PLA2G6: variants seen among roughly 807,000 people sequenced by gnomAD.
PLA2G6 encodes phospholipase A2 group VI, also known as 85/88 kDa calcium-independent phospholipase A2.
In PLA2G6, 62 loss-of-function variants were observed where a neutral mutation model predicts 83.8. The observed-to-expected ratio is 0.74, with a 90% confidence interval of 0.60 to 0.91. The LOEUF (loss-of-function observed/expected upper bound fraction) is 0.91. Ranked by LOEUF, PLA2G6 falls within the 40% of genes least tolerant of loss-of-function variation. The probability of loss-of-function intolerance (pLI) is 0.00; values close to 1 mark genes in which losing one functional copy is unlikely to be tolerated. For synonymous variants in PLA2G6, 417 were observed against 449.8 expected, an observed-to-expected ratio of 0.93 and a Z score of 0.92; for missense variants, 944 against 1,102.0, an observed-to-expected ratio of 0.86 and a Z score of 2.03.
At chr22:38,140,575 C>A (rs557042795) in intron 4 of PLA2G6, 2 of 250,576 alleles carry the variant, frequency 8.0e-6, no homozygotes, top group South Asian at 4.4e-5. Context: ...GGGAAGGGGT[C>A]GACCTGGCAT....
intron 4 of PLA2G6, chr22:38,142,853 G>A: frequency 1.8e-6 from 1 of 545,694 alleles, no homozygotes; most frequent in South Asian, 1.9e-5. Flanking sequence ...GCCTTTTTTG[G>A]GGTTTATTTT....
At chr22:38,119,762 G>A (rs559125398) in intron 12 of PLA2G6, among the ~76,000 whole-genome samples, 4 of 151,984 alleles carry the variant, frequency 2.6e-5, no homozygotes, top group African/African-American at 7.3e-5. Flanking sequence ...GCAGTAAGCC[G>A]TGTTCACAGC....
rs371358303 is a variant in PLA2G6, at chr22:38,111,932, G to A, written c.*229C>T. On this transcript the variant is annotated 3_prime_UTR_variant, in exon 17 of 17. Transcript: ENST00000332509. The stretch of plus-strand genomic sequence containing the variant: ...CAGTCAGGGAAAGGGGCCAAAGGGG[G>A]CTCTAGACTTTCCCAGCCTGGAATG... 8.4e-6 allele frequency: 5 copies of A among 597,436 alleles called. No individual in the cohort carries two copies. Among genetic ancestry groups the A allele is most frequent in the Middle Eastern group, 4.4e-4 (1 of 2,252 alleles). The allele number at this position is 597,436 out of a possible 1,614,324, so 37.0% of individuals were successfully genotyped here. A position where few individuals can be genotyped will look rare whatever the true frequency, so the allele number is the denominator to read the frequency against.
Position 38,145,472 on chromosome 22 carries a change from T to C in PLA2G6, c.391A>G (p.Ile131Val), listed in dbSNP as rs776393639. The C allele has an allele frequency of 6.2e-7, 1 of 1,611,652 alleles. No homozygotes were observed. The highest frequency in any genetic ancestry group is 8.5e-7 in the Non-Finnish European group (1 of 1,179,388). The change falls in exon 3 of 17, where the codon ATC (isoleucine) becomes GTC (valine). Residue 131 changes from isoleucine to valine, a missense_variant. Transcript: ENST00000332509. Reference protein sequence around the residue: ...SVAHLAVELGIRECFHHSRII... With the variant: ...SVAHLAVELGVRECFHHSRII... ...CGGCTGTGATGGAAGCACTCGCGGATCCCTAGCTCCACAGCCAGGTGGGCC... is the reference window on the plus strand; with the variant it reads ...CGGCTGTGATGGAAGCACTCGCGGACCCCTAGCTCCACAGCCAGGTGGGCC...
rs551420882 is a variant in PLA2G6, at chr22:38,133,159, C to T, written c.895-146G>A. 3.8e-6 allele frequency: 3 copies of T among 781,130 alleles called. No homozygotes were observed. The African/African-American group carries it at 5.1e-5, about 13-fold the overall frequency. 48.4% of individuals were successfully genotyped at this position (781,130 alleles called of 1,614,324 possible). A position where few individuals can be genotyped will look rare whatever the true frequency, so the allele number is the denominator to read the frequency against. On this transcript the variant is annotated intron_variant, in intron 6 of 16. Transcript: ENST00000332509. ...CTAGCAAGAGGATTCCAGGGGCAGG[C>T]CCCAGTTCTAGGGGGGCCTAGACTG...
intron 3 of PLA2G6, 84 bp downstream of exon 3, chr22:38,145,354 G>A: frequency 8.7e-7 from 1 of 1,149,864 alleles, no homozygotes. Flanking sequence ...TCAAACTATG[G>A]AGGGGAACCG....
intron 7 of PLA2G6, chr22:38,131,677 T>C (rs2088220773): frequency 6.5e-6 from 1 of 153,342 alleles, no homozygotes; most frequent in Admixed American, 6.4e-5. Flanking sequence ...TGACCTTTGG[T>C]ATAAAACAGG....
intron 2 of PLA2G6, among the ~76,000 whole-genome samples, chr22:38,164,979 C>G (rs567019448): frequency 6.6e-6 from 1 of 152,072 alleles, no homozygotes; most frequent in South Asian, 2.1e-4. Context: ...TCCACAGCCT[C>G]GACCCCACCC....
rs1408442842 is a variant in PLA2G6 at position 38,113,480 on chromosome 22, C to T, written c.2202+7G>A. 6.2e-7 allele frequency: 1 copy of T among 1,613,884 alleles called. No homozygotes were observed. The highest frequency in any genetic ancestry group is 8.5e-7 in the Non-Finnish European group (1 of 1,179,876). On this transcript the variant is annotated splice_region_variant and intron_variant, in intron 15 of 16. Transcript: ENST00000332509. ...GGAAGTGGCCTGGGGGAGGGGCCCA[C>T]ACTCACACAGTCCACCACCATCTTG...
intron 13 of PLA2G6, 83 bp from the exon 14 acceptor site, chr22:38,115,764 T>C (rs1444374026): frequency 2.0e-6 from 3 of 1,515,652 alleles, no homozygotes; most frequent in African/African-American, 1.4e-5. Context: ...GGTGTGCGTG[T>C]TGGGGGCTGG....
Position 38,178,695 on chromosome 22 carries a change from T to C in PLA2G6, c.-46+2969A>G, listed in dbSNP as rs183437782. On this transcript the variant is annotated intron_variant, in intron 1 of 16. Coordinates refer to ENST00000332509, the MANE Select transcript of PLA2G6 (RefSeq NM_003560.4). Reference sequence around the variant, plus strand: ...GCCTGGCCAACATAGTGAAACCCCATCTCTACCAAAAAATACAAAAATTAG... The same window carrying C: ...GCCTGGCCAACATAGTGAAACCCCACCTCTACCAAAAAATACAAAAATTAG... Among the ~76,000 whole-genome samples, 619 of 152,086 alleles carry C rather than the reference T, an allele frequency of 4.1e-3. 4 individuals are homozygous for C. The highest frequency in any genetic ancestry group is 0.014 in the African/African-American group (585 of 41,448).
chr22:38,112,545 C>T lies in PLA2G6; in HGVS notation c.2235G>A (p.Arg745=). ...CTDPDGRAVD[R]ARAWCEMVGI... The stretch of plus-strand genomic sequence containing the variant: ...CGACCATCTCGCACCAGGCCCGTGC[C>T]CGGTCCACAGCCCGCCCGTCTGGAT... The change falls in exon 16 of 17, where the codon CGG becomes CGA. Residue 745 remains arginine, a synonymous_variant. Coordinates refer to ENST00000332509, the MANE Select transcript of PLA2G6 (RefSeq NM_003560.4). 1.9e-6 allele frequency: 3 copies of T among 1,554,306 alleles called. No homozygotes were observed. The highest frequency in any genetic ancestry group is 2.6e-6 in the Non-Finnish European group (3 of 1,150,052).
intron 1 of PLA2G6, among the ~76,000 whole-genome samples, chr22:38,173,266 C>T (rs2090506177): frequency 6.6e-6 from 1 of 152,128 alleles, no homozygotes; most frequent in African/African-American, 2.4e-5. Context: ...GCGTCCTACC[C>T]TTGACCTTCC....
At chr22:38,141,753 C>G (rs2088916672) in intron 4 of PLA2G6, 1 of 152,106 alleles carries the variant, frequency 6.6e-6, no homozygotes, top group Admixed American at 6.5e-5. Context: ...TCGTGCATGA[C>G]TATCGAGAAG....
chr22:38,112,657 C>T (rs1023637438), intron 15 of PLA2G6, 80 bp from the exon 16 acceptor site: 10 of 1,232,080 alleles, frequency 8.1e-6, no homozygotes, highest in African/African-American at 1.5e-5. Flanking sequence ...CCTGCACTCT[C>T]GGAGCCCCAG....
chr22:38,158,023 G>A (rs984194374), intron 2 of PLA2G6, among the ~76,000 whole-genome samples: 5 of 151,622 alleles, frequency 3.3e-5, no homozygotes, highest in South Asian at 4.2e-4. Flanking sequence ...GCAACAGAGC[G>A]ACACCCCATC....
At chr22:38,116,698 T>C (rs2087215710) in intron 12 of PLA2G6, among the ~76,000 whole-genome samples, 1 of 151,434 alleles carries the variant, frequency 6.6e-6, no homozygotes, top group Non-Finnish European at 1.5e-5. Flanking sequence ...CTACTAATAA[T>C]ACAAAAATTA....
At chr22:38,127,580 G>C in intron 9 of PLA2G6, 1 of 597,148 alleles carries the variant, frequency 1.7e-6, no homozygotes, top group South Asian at 1.6e-5. Context: ...GCTTGGTCGG[G>C]CTACCCTGGC....
chr22:38,115,832 C>G, intron 13 of PLA2G6, 151 bp from the exon 14 acceptor site: 1 of 1,475,848 alleles, frequency 6.8e-7, no homozygotes, highest in Non-Finnish European at 9.0e-7. Context: ...CGAAGCCACA[C>G]TCTCTGGCTA....
Sources: gnomAD v4.1 joint callset for allele counts (sites outside exome capture counted in the v4.1 genomes callset) on GRCh38, gnomAD v4.1.1 for gene constraint, MANE v1.5 for transcripts, NCBI Gene and HGNC (gene_info 2026-07-23, HGNC 2026-07-21) for gene names.